Variants in CPXM2 observed in about 807,000 individuals in gnomAD.
CPXM2 encodes carboxypeptidase X, M14 family member 2.
Under a neutral mutation model 86.1 loss-of-function variants are expected in CPXM2, and 66 were observed. That is an observed-to-expected ratio of 0.77 (90% confidence interval 0.63 to 0.94). The LOEUF (loss-of-function observed/expected upper bound fraction) is 0.94, where lower values mean the gene tolerates loss of function less well. CPXM2 is among the 40% of genes least tolerant of loss of function. The pLI is 0.00. For synonymous variants in CPXM2, 388 were observed against 400.2 expected, an observed-to-expected ratio of 0.97 and a Z score of 0.36; for missense variants, 948 against 1,026.3, an observed-to-expected ratio of 0.92 and a Z score of 1.04.
intron 2 of CPXM2, among the ~76,000 whole-genome samples, chr10:123,901,287 G>A (rs138083157): frequency 6.6e-6 from 1 of 152,134 alleles, no homozygotes; most frequent in Non-Finnish European, 1.5e-5. Context: ...CTTTGGCATC[G>A]TTCCTTCACA....
chr10:123,818,661 G>A (rs1847862664), intron 4 of CPXM2, among the ~76,000 whole-genome samples: 1 of 152,212 alleles, frequency 6.6e-6, no homozygotes, highest in South Asian at 2.1e-4. Flanking sequence ...AAGTGTGGCA[G>A]TGGGCTCCTG....
intron 2 of CPXM2, among the ~76,000 whole-genome samples, chr10:123,914,644 C>T (rs1300389677): frequency 6.6e-6 from 1 of 152,192 alleles, no homozygotes; most frequent in Non-Finnish European, 1.5e-5. Flanking sequence ...GCCTGGCACC[C>T]GGGCCCTAAA....
At chr10:123,907,760 G>T (rs72829712) in intron 2 of CPXM2, among the ~76,000 whole-genome samples, 1 of 130,718 alleles carries the variant, frequency 7.7e-6, no homozygotes. Context: ...ACTGGACCCC[G>T]CAAGGCGCCC....
At chr10:123,806,733 T>A (rs989808457) in intron 4 of CPXM2, among the ~76,000 whole-genome samples, 1 of 152,072 alleles carries the variant, frequency 6.6e-6, no homozygotes, top group African/African-American at 2.4e-5. Context: ...ACATCTTACG[T>A]GGCGGCAGGA....
At chr10:123,893,807 C>T (rs1458254751), upstream of CPXM2, among the ~76,000 whole-genome samples, 1 of 152,224 alleles carries the variant, frequency 6.6e-6, no homozygotes. Flanking sequence ...ACCCAGCGTT[C>T]CAGCGAGCTG....
At chr10:123,800,021 T>G (rs1172461063) in intron 4 of CPXM2, among the ~76,000 whole-genome samples, 1 of 149,372 alleles carries the variant, frequency 6.7e-6, no homozygotes, top group Non-Finnish European at 1.5e-5. Flanking sequence ...AATTTACTAG[T>G]TTTTTGGTTT....
chr10:123,918,358 CT>C (rs142484857), intron 2 of CPXM2, among the ~76,000 whole-genome samples: 3,950 of 152,262 alleles, frequency 0.026, 186 homozygotes, highest in African/African-American at 0.09. Context: ...TACTCTCTAT[CT>C]CTTCTACTGG....
chr10:123,762,270 A>G (rs1424226000), intron 10 of CPXM2, 101 bp from the exon 11 acceptor site: 20 of 1,511,768 alleles, frequency 1.3e-5, no homozygotes, highest in Non-Finnish European at 1.5e-5. Context: ...CTTTTGTGGA[A>G]TAATCTTAGT....
chr10:123,853,270 G>A (rs1418897627), intron 3 of CPXM2, among the ~76,000 whole-genome samples: 1 of 152,170 alleles, frequency 6.6e-6, no homozygotes, highest in Non-Finnish European at 1.5e-5. Context: ...ACAGAACCGT[G>A]AGCCAATGAA....
Position 123,768,598 on chromosome 10 carries a change from G to T in CPXM2, c.1227C>A (p.His409Gln). Residue 409 changes from histidine (H) to glutamine (Q), a missense_variant, in exon 9 of 14, where the codon CAC (histidine) becomes CAA (glutamine). Coordinates refer to ENST00000241305, the MANE Select transcript of CPXM2 (RefSeq NM_198148.3). ...CGTGAATCCGCGTCTCCTCCACCAG[G>T]TGGACGATGCGCGCATTCCGGGCCA... ...EYLARNARIV[H>Q]LVEETRIHVL... 6.2e-7 allele frequency: 1 copy of T among 1,614,048 alleles called. No homozygotes were observed. Among genetic ancestry groups the T allele is most frequent in the African/African-American group, 1.3e-5 (1 of 75,044 alleles).
chr10:123,818,958 G>A (rs987707831), intron 4 of CPXM2, among the ~76,000 whole-genome samples: 3 of 152,086 alleles, frequency 2.0e-5, no homozygotes, highest in Non-Finnish European at 1.5e-5. Context: ...CAAAATTTTC[G>A]CTTCCTGTTC....
intron 4 of CPXM2, among the ~76,000 whole-genome samples, chr10:123,808,434 C>T (rs1332691583): frequency 1.3e-5 from 2 of 152,060 alleles, no homozygotes; most frequent in African/African-American, 4.8e-5. Context: ...AATGCACAAA[C>T]ACAAAAGCCA....
At chr10:123,936,979 G>A (rs1185864637) in intron 2 of CPXM2, among the ~76,000 whole-genome samples, 1 of 152,216 alleles carries the variant, frequency 6.6e-6, no homozygotes, top group Non-Finnish European at 1.5e-5. Flanking sequence ...GGGGTAGGGG[G>A]TTCTTACATC....
At chr10:123,784,438 C>A (rs919138710) in intron 6 of CPXM2, among the ~76,000 whole-genome samples, 6 of 152,196 alleles carry the variant, frequency 3.9e-5, no homozygotes. Flanking sequence ...GAAGCTACCA[C>A]CTGCCCTAAA....
intron 6 of CPXM2, among the ~76,000 whole-genome samples, chr10:123,794,734 C>CGTGTGT (rs142855432): frequency 0.066 from 9,299 of 141,082 alleles, 527 homozygotes; most frequent in African/African-American, 0.17. Flanking sequence ...TATTTAAGAC[C>CGTGTGT]GTGTGTGTGT....
intron 1 of CPXM2, among the ~76,000 whole-genome samples, chr10:123,886,736 TAAATA>T (rs1378416091): frequency 7.2e-5 from 11 of 152,164 alleles, no homozygotes; most frequent in Admixed American, 4.6e-4. Flanking sequence ...AAGAGAGAAA[TAAATA>T]AAATCTTCAA....
chr10:123,757,720 ATTAAGT>A (rs1182529499), intron 11 of CPXM2, among the ~76,000 whole-genome samples: 2 of 152,202 alleles, frequency 1.3e-5, no homozygotes, highest in African/African-American at 4.8e-5. Flanking sequence ...TAAGTGTTTG[ATTAAGT>A]TTATCTCTAC....
chr10:123,855,215 C>G (rs1844204976), intron 3 of CPXM2, among the ~76,000 whole-genome samples: 1 of 152,106 alleles, frequency 6.6e-6, no homozygotes, highest in South Asian at 2.1e-4. Flanking sequence ...AGATGTAGAA[C>G]AAAATCCCTT....
At chr10:123,747,095 C>T in intron 13 of CPXM2, 78 bp from the exon 14 acceptor site, 1 of 1,518,864 alleles carries the variant, frequency 6.6e-7, no homozygotes, top group Non-Finnish European at 8.9e-7. Flanking sequence ...CCAAGACCAG[C>T]TCCCTGGGCC....
Sources: gnomAD v4.1 joint callset for allele counts (sites outside exome capture counted in the v4.1 genomes callset) on GRCh38, gnomAD v4.1.1 for gene constraint, MANE v1.5 for transcripts, NCBI Gene and HGNC (gene_info 2026-07-23, HGNC 2026-07-21) for gene names.